Variants in NALCN observed in about 807,000 individuals in gnomAD.
NALCN encodes sodium leak channel, non-selective.
Under a neutral mutation model 225.3 loss-of-function variants are expected in NALCN, and 111 were observed. That is an observed-to-expected ratio of 0.49 (90% CI 0.42 to 0.58). NALCN has a LOEUF of 0.58. Among genes scored for constraint, NALCN ranks in the 20% least tolerant of loss-of-function variants. The pLI is 0.00. For missense variants in NALCN, 1,378 were observed against 2,202.4 expected (o/e 0.63, Z 7.49); for synonymous variants, 764 against 769.0 (o/e 0.99, Z 0.11).
intron 15 of NALCN, among the ~76,000 whole-genome samples, chr13:101,167,952 G>C (rs888171037): frequency 6.6e-6 from 1 of 151,722 alleles, no homozygotes; most frequent in African/African-American, 2.4e-5. Flanking sequence ...ATGTGTCTTT[G>C]CCTCCTTGGC....
chr13:101,089,633 C>A lies in NALCN; in HGVS notation c.3489+30G>T, dbSNP rs757795541. On this transcript the variant is annotated intron_variant, in intron 30 of 43. Transcript: ENST00000251127. This position sits in a 1 kb window ranked among gnomAD's most constrained non-coding sequence, Gnocchi z 4.7. Reference sequence around the variant, plus strand: ...AAGTGAGTGGCTAGAAAAGGCTAAACCCTGTGGTATCCAAACCAAAAATCC... The same window carrying A: ...AAGTGAGTGGCTAGAAAAGGCTAAAACCTGTGGTATCCAAACCAAAAATCC... 23 of 1,601,380 alleles carry A rather than the reference C, an allele frequency of 1.4e-5. No homozygotes were observed. Among genetic ancestry groups the A allele is most frequent in the East Asian group, 2.2e-5 (1 of 44,716 alleles).
At chr13:101,210,682 T>C (rs952293201) in intron 13 of NALCN, among the ~76,000 whole-genome samples, 3 of 152,198 alleles carry the variant, frequency 2.0e-5, no homozygotes, top group Non-Finnish European at 1.5e-5. Flanking sequence ...CATTTACCCT[T>C]GGATGCTGGG....
Position 101,073,687 on chromosome 13 carries a change from G to GA in NALCN, c.4104-11dup, listed in dbSNP as rs113354194. The GA allele has an allele frequency of 9.4e-4, 1,494 of 1,591,872 alleles. 5 individuals are homozygous for GA. The African/African-American group carries it at 0.012, about 13-fold the overall frequency. ...AGAAAAATTTGCATGCCTAATTTAA[G>GA]AAAAAAAAATTAACAGAATGTGAAT... On this transcript the variant is annotated splice_polypyrimidine_tract_variant and intron_variant, in intron 36 of 43. Transcript: ENST00000251127.
intron 9 of NALCN, among the ~76,000 whole-genome samples, chr13:101,288,298 A>G (rs867746504): frequency 3.3e-5 from 5 of 152,226 alleles, no homozygotes; most frequent in Non-Finnish European, 7.3e-5. Flanking sequence ...TTAATGATGT[A>G]TATTCATGAG....
intron 7 of NALCN, among the ~76,000 whole-genome samples, chr13:101,319,134 T>C (rs7338796): frequency 0.33 from 50,619 of 152,052 alleles, 8,860 homozygotes; most frequent in Non-Finnish European, 0.41. Flanking sequence ...TTAGCAGGAC[T>C]GTGGATGAGC....
intron 7 of NALCN, among the ~76,000 whole-genome samples, chr13:101,297,124 T>C (rs1361530853): frequency 6.6e-6 from 1 of 152,218 alleles, no homozygotes; most frequent in African/African-American, 2.4e-5. Flanking sequence ...TTGTTTCTTC[T>C]AGTCTTAGGT....
intron 6 of NALCN, among the ~76,000 whole-genome samples, chr13:101,355,943 A>G (rs1012489849): frequency 1.3e-5 from 2 of 152,220 alleles, no homozygotes; most frequent in Non-Finnish European, 2.9e-5. Flanking sequence ...CTGCTGCTGA[A>G]TGACTCCTGA....
chr13:101,059,674 CTTTTT>C (rs35627368), intron 42 of NALCN, 139 bp downstream of exon 42: 8 of 607,960 alleles, frequency 1.3e-5, no homozygotes, highest in Non-Finnish European at 2.0e-5. Flanking sequence ...TTTCCGTTGC[CTTTTT>C]TTTTTTTAAT....
intron 6 of NALCN, among the ~76,000 whole-genome samples, chr13:101,375,323 A>G (rs1481296438): frequency 1.3e-5 from 2 of 152,148 alleles, no homozygotes; most frequent in East Asian, 3.9e-4. Flanking sequence ...CCTGTTATTA[A>G]TCTACTTCAT....
chr13:101,125,353 A>G (rs896215683), intron 17 of NALCN, among the ~76,000 whole-genome samples: 1 of 152,168 alleles, frequency 6.6e-6, no homozygotes, highest in Non-Finnish European at 1.5e-5. Flanking sequence ...TGTTCTCATA[A>G]TAATAAATAA....
intron 10 of NALCN, among the ~76,000 whole-genome samples, chr13:101,270,117 A>G (rs1363107999): frequency 6.6e-6 from 1 of 152,192 alleles, no homozygotes; most frequent in Non-Finnish European, 1.5e-5. Flanking sequence ...ATGATGTTTT[A>G]TATTTTTCTC....
At chr13:101,141,144 G>A (rs1018856135) in intron 17 of NALCN, among the ~76,000 whole-genome samples, 1 of 152,154 alleles carries the variant, frequency 6.6e-6, no homozygotes, top group East Asian at 1.9e-4. Flanking sequence ...TCCCAGGGGA[G>A]AGAGAAGCAG....
chr13:101,368,027 A>C (rs2046427173), intron 6 of NALCN, among the ~76,000 whole-genome samples: 1 of 147,440 alleles, frequency 6.8e-6, no homozygotes, highest in African/African-American at 2.6e-5. Flanking sequence ...TTATACTTTA[A>C]GTTTTAGGGT....
chr13:101,228,921 A>T (rs1400962159), intron 13 of NALCN, among the ~76,000 whole-genome samples: 2 of 152,144 alleles, frequency 1.3e-5, no homozygotes, highest in Non-Finnish European at 2.9e-5. Context: ...AGCTTAAGTG[A>T]ATTCTACTGA....
intron 17 of NALCN, among the ~76,000 whole-genome samples, chr13:101,135,127 G>A (rs1423696128): frequency 1.3e-5 from 2 of 152,140 alleles, no homozygotes; most frequent in African/African-American, 4.8e-5. Flanking sequence ...CCCGGGAGGC[G>A]GAGCTTGCAG....
intron 17 of NALCN, among the ~76,000 whole-genome samples, chr13:101,141,826 A>G (rs1455990677): frequency 1.3e-5 from 2 of 152,174 alleles, no homozygotes; most frequent in Admixed American, 1.3e-4. Context: ...ATAGAGAAAT[A>G]TGGATTTCAC....
intron 13 of NALCN, among the ~76,000 whole-genome samples, chr13:101,216,235 T>C (rs975752508): frequency 2.6e-5 from 4 of 152,080 alleles, no homozygotes; most frequent in African/African-American, 9.7e-5. Flanking sequence ...ATAAACATAA[T>C]ATTGAGCAAT....
At chr13:101,214,415 G>A (rs113015516) in intron 13 of NALCN, among the ~76,000 whole-genome samples, 2,056 of 152,168 alleles carry the variant, frequency 0.014, 39 homozygotes, top group African/African-American at 0.048. Flanking sequence ...TGCACGTTAT[G>A]CACATGTACC....
Position 101,089,846 on chromosome 13 carries a change from C to T in NALCN, c.3390G>A (p.Pro1130=), listed in dbSNP as rs869312873. The part of the protein sequence containing the change: ...VRDVIIHRVG[P]IHGIYIHVFV... ...CAAAGGATTCGATGTGCTCGCTTAC[C>T]GGCCCCACACGATGAATAATAACAT... The change falls in exon 29 of 44, where the codon CCG becomes CCA. Residue 1130 remains proline (P), a splice_region_variant and synonymous_variant. Transcript: ENST00000251127. The surrounding 1 kb of genome is among the most constrained non-coding windows in gnomAD (Gnocchi z 4.7). 2 of 1,613,852 alleles carry T rather than the reference C, an allele frequency of 1.2e-6. No individual in the cohort carries two copies. Among genetic ancestry groups the T allele is most frequent in the African/African-American group, 1.3e-5 (1 of 74,882 alleles).
Sources: allele counts gnomAD v4.1 joint callset (sites outside exome capture counted in the v4.1 genomes callset), GRCh38; gene constraint gnomAD v4.1.1; non-coding constraint Gnocchi (gnomAD v3.1); transcripts MANE v1.5; gene names NCBI Gene and HGNC (gene_info 2026-07-23, HGNC 2026-07-21).